GLI2: variants seen among roughly 807,000 people sequenced by gnomAD.
GLI2 encodes transcription activator GLI2.
A neutral mutation model predicts 78.9 loss-of-function variants in GLI2; 22 were observed. That is an observed-to-expected ratio of 0.28 (90% CI 0.20 to 0.40). The LOEUF (loss-of-function observed/expected upper bound fraction) is 0.40. Among genes scored for constraint, GLI2 ranks in the 10% least tolerant of loss-of-function variants. The probability of loss-of-function intolerance (pLI) is 1.00; values close to 1 mark genes in which losing one functional copy is unlikely to be tolerated. For missense variants in GLI2, 2,097 were observed against 2,213.2 expected (o/e 0.95, Z 1.05); for synonymous variants, 974 against 963.7 (o/e 1.01, Z -0.20).
At chr2:120,949,578 G>A (rs566150073) in intron 3 of GLI2, among the ~76,000 whole-genome samples, 94 of 152,362 alleles carry the variant, frequency 6.2e-4, no homozygotes, top group African/African-American at 2.2e-3. Context: ...TTCAGGGAGG[G>A]TGCCACCTGC....
intron 2 of GLI2, among the ~76,000 whole-genome samples, chr2:120,831,239 A>G (rs1686348037): frequency 6.6e-6 from 1 of 152,086 alleles, no homozygotes; most frequent in Non-Finnish European, 1.5e-5. Flanking sequence ...TCTTCTGCCA[A>G]AGGCATCTTG....
chr2:120,770,245 C>T (rs1010078305), intron 1 of GLI2, among the ~76,000 whole-genome samples: 1 of 152,200 alleles, frequency 6.6e-6, no homozygotes, highest in Non-Finnish European at 1.5e-5. Flanking sequence ...TTCCATCCCC[C>T]ACCCCCAGCC....
intron 2 of GLI2, among the ~76,000 whole-genome samples, chr2:120,914,880 G>C (rs1679016764): frequency 6.6e-6 from 1 of 152,260 alleles, no homozygotes; most frequent in African/African-American, 2.4e-5. Flanking sequence ...CTTGGCTGTG[G>C]CACTGGCGGC....
At chr2:120,815,240 G>T (rs939776778) in intron 2 of GLI2, among the ~76,000 whole-genome samples, 3 of 152,176 alleles carry the variant, frequency 2.0e-5, no homozygotes, top group African/African-American at 7.2e-5. Flanking sequence ...GTATTAAGGG[G>T]TCTCTGCAGA....
intron 2 of GLI2, among the ~76,000 whole-genome samples, chr2:120,835,900 AC>A (rs1200086806): frequency 1.8e-4 from 27 of 152,274 alleles, no homozygotes; most frequent in African/African-American, 6.5e-4. Flanking sequence ...ATGCAGCTTA[AC>A]TTTTTTTTGC....
chr2:120,854,825 C>T (rs1330267435), intron 2 of GLI2, among the ~76,000 whole-genome samples: 2 of 152,228 alleles, frequency 1.3e-5, no homozygotes, highest in African/African-American at 4.8e-5. Flanking sequence ...CTCAGTAGGC[C>T]TGCGATGGGG....
At chr2:120,946,624 G>A (rs914201715) in intron 3 of GLI2, among the ~76,000 whole-genome samples, 7 of 152,212 alleles carry the variant, frequency 4.6e-5, no homozygotes, top group African/African-American at 1.4e-4. Context: ...AGAAAGGGAG[G>A]TTGCTGCTGG....
rs191044427 is a variant in GLI2 at position 120,888,691 on chromosome 2, G to A, written c.149-38670G>A. ...ATCAGGGATTTTCTTTTCTTTCTTC[G>A]TTCAGAAACGTGTGAGGAAAGCTGA... On this transcript the variant is annotated intron_variant, in intron 2 of 13. Coordinates refer to ENST00000361492, the MANE Select transcript of GLI2 (RefSeq NM_001374353.1). Among the ~76,000 whole-genome samples the A allele has an allele frequency of 1.2e-4, 18 of 152,134 alleles. No homozygotes were observed. In the East Asian group the frequency reaches 1.5e-3, roughly 13 times the overall value.
At chr2:120,971,896 T>A (rs749322859) in intron 7 of GLI2, 45 bp from the exon 8 acceptor site, 1 of 1,603,844 alleles carries the variant, frequency 6.2e-7, no homozygotes, top group Non-Finnish European at 8.5e-7. Flanking sequence ...GGGATATCCC[T>A]GCCCTGCCCC....
At chr2:120,968,948 C>T (rs1225459639) in intron 6 of GLI2, 33 bp downstream of exon 6, 3 of 1,569,850 alleles carry the variant, frequency 1.9e-6, no homozygotes, top group East Asian at 2.2e-5. Flanking sequence ...GAGCTGAGGA[C>T]CAGAGCTGGG....
chr2:120,889,016 G>C (rs552413764), intron 2 of GLI2, among the ~76,000 whole-genome samples: 2 of 152,196 alleles, frequency 1.3e-5, no homozygotes, highest in African/African-American at 4.8e-5. Context: ...CTAGACGGCC[G>C]TGAGGACTCT....
chr2:120,771,798 TC>T (rs1683530554), intron 1 of GLI2, among the ~76,000 whole-genome samples: 2 of 152,274 alleles, frequency 1.3e-5, no homozygotes, highest in South Asian at 4.1e-4. Flanking sequence ...GGACCAGGAC[TC>T]CTCAAAGTTA....
intron 1 of GLI2, among the ~76,000 whole-genome samples, chr2:120,745,613 C>T (rs116514211): frequency 0.024 from 3,667 of 152,304 alleles, 64 homozygotes; most frequent in Non-Finnish European, 0.034. Flanking sequence ...ACACCCGCAG[C>T]TGTGACCATG....
intron 2 of GLI2, among the ~76,000 whole-genome samples, chr2:120,802,914 C>G (rs1220005528): frequency 6.6e-6 from 1 of 152,244 alleles, no homozygotes; most frequent in African/African-American, 2.4e-5. Flanking sequence ...TTCTTGAGCC[C>G]CACCTTAGAC....
chr2:120,942,929 C>T (rs180718310), intron 3 of GLI2, among the ~76,000 whole-genome samples: 48 of 147,106 alleles, frequency 3.3e-4, no homozygotes, highest in African/African-American at 9.6e-4. Context: ...TTCATTCATT[C>T]GTTCACACCC....
At chr2:120,745,158 C>T (rs1223148448) in intron 1 of GLI2, among the ~76,000 whole-genome samples, 1 of 152,202 alleles carries the variant, frequency 6.6e-6, no homozygotes, top group African/African-American at 2.4e-5. Flanking sequence ...CTTGCTTTTA[C>T]TGGCCCCCAA....
chr2:120,982,743 C>T lies in GLI2; in HGVS notation c.1495C>T (p.Arg499Cys). ...TFEGCSKAYS[R>C]LENLKTHLRS... ...CGAGGGCTGCTCGAAGGCCTACTCC[C>T]GCCTGGAGAACCTGAAGACACACCT... Residue 499 changes from arginine to cysteine, a missense_variant, in exon 11 of 14, where the codon CGC (arginine) becomes TGC (cysteine). Around this residue, in one of 5 missense-constraint regions of GLI2, gnomAD observed 104 missense variants for 190.6 expected, o/e 0.55. Transcript: ENST00000361492. The T allele has an allele frequency of 1.9e-6, 3 of 1,613,748 alleles. No individual in the cohort carries two copies. Among genetic ancestry groups the T allele is most frequent in the Non-Finnish European group, 1.7e-6 (2 of 1,179,736 alleles).
chr2:120,751,352 C>A (rs1243755664), intron 1 of GLI2, among the ~76,000 whole-genome samples: 2 of 152,138 alleles, frequency 1.3e-5, no homozygotes, highest in Non-Finnish European at 1.5e-5. Context: ...CCCTTCCCCC[C>A]AAACTTTACA....
chr2:120,787,409 C>A (rs998102193), intron 1 of GLI2, among the ~76,000 whole-genome samples: 1 of 152,166 alleles, frequency 6.6e-6, no homozygotes, highest in African/African-American at 2.4e-5. Flanking sequence ...TTGGTCCTTG[C>A]CCCCACCCCC....
Sources: gnomAD v4.1 joint callset for allele counts (sites outside exome capture counted in the v4.1 genomes callset) on GRCh38, gnomAD v4.1.1 for gene constraint, gnomAD v4.1.1 regional missense constraint, MANE v1.5 for transcripts, NCBI Gene and HGNC (gene_info 2026-07-23, HGNC 2026-07-21) for gene names.